RPRD2: variants seen among roughly 807,000 people sequenced by gnomAD.
RPRD2 encodes the protein regulation of nuclear pre-mRNA domain-containing protein 2.
RPRD2 carries 12 observed loss-of-function variants against 104.4 expected under a neutral mutation model. The observed-to-expected ratio is 0.11, with a 90% CI of 0.07 to 0.19. RPRD2 has a LOEUF of 0.19. RPRD2 is among the 10% of genes least tolerant of loss of function. The pLI is 1.00. For missense variants in RPRD2, 1,543 were observed against 1,790.1 expected (o/e 0.86, Z 2.49); for synonymous variants, 714 against 684.9 (o/e 1.04, Z -0.66).
At chr1:150,454,382 T>C (rs1458445984) in intron 7 of RPRD2, among the ~76,000 whole-genome samples, 1 of 152,130 alleles carries the variant, frequency 6.6e-6, no homozygotes, top group Non-Finnish European at 1.5e-5. Flanking sequence ...CCTCTGATAG[T>C]ATTTGCCACT....
At chr1:150,436,749 A>G (rs991201300) in intron 2 of RPRD2, among the ~76,000 whole-genome samples, 1 of 152,118 alleles carries the variant, frequency 6.6e-6, no homozygotes, top group African/African-American at 2.4e-5. Flanking sequence ...TCTACTAAAA[A>G]TAAAAATTAG....
chr1:150,435,844 T>A (rs1665951956), intron 2 of RPRD2, among the ~76,000 whole-genome samples: 1 of 152,212 alleles, frequency 6.6e-6, no homozygotes, highest in Non-Finnish European at 1.5e-5. Flanking sequence ...CAGCCTTCTG[T>A]TGGAAGATGC....
rs758603534 is a variant in RPRD2, at chr1:150,472,957, G to A, written c.4009G>A (p.Ala1337Thr). Residue 1337 changes from alanine (A) to threonine (T), a missense_variant, in exon 11 of 11, where the codon GCT becomes ACT. Ala to Thr is a moderately conservative substitution (Grantham distance 58). Transcript: ENST00000369068. ...TAGTTCCCTCCTTCAAGGGACCCTG[G>A]CTGAGCATTTTGGGGTACTCCCAGG... Reference protein sequence around the residue: ...DHSSLLQGTLAEHFGVLPGPR... With the variant: ...DHSSLLQGTLTEHFGVLPGPR... The A allele has an allele frequency of 1.2e-5, 19 of 1,613,762 alleles. No individual in the cohort carries two copies. Among genetic ancestry groups the A allele is most frequent in the Non-Finnish European group, 1.6e-5 (19 of 1,179,830 alleles).
At chr1:150,413,454 T>A (rs1230410044) in intron 1 of RPRD2, among the ~76,000 whole-genome samples, 2 of 151,744 alleles carry the variant, frequency 1.3e-5, no homozygotes, top group African/African-American at 4.8e-5. Context: ...TACAAAAAAA[T>A]TAGCTGGGTG....
rs587768526 is a variant in RPRD2, at chr1:150,370,107, G to A, written c.205+5188G>A. 5.9e-5 allele frequency among the ~76,000 whole-genome samples: 9 copies of A among 151,970 alleles called. No individual in the cohort carries two copies. The South Asian group carries it at 6.2e-4, about 11-fold the overall frequency. ...AAATTTTTATGTTTTTTGTAGAGAC[G>A]AGGTATTGCCATGTTGCCCAGGCTG... On this transcript the variant is annotated intron_variant, in intron 1 of 10. Transcript: ENST00000369068.
intron 1 of RPRD2, among the ~76,000 whole-genome samples, chr1:150,397,633 T>G (rs782064360): frequency 5.9e-5 from 9 of 152,328 alleles, no homozygotes; most frequent in Admixed American, 3.3e-4. Context: ...TAGCAAAATT[T>G]TGTTTCTTTT....
intron 2 of RPRD2, among the ~76,000 whole-genome samples, chr1:150,420,380 C>A (rs767632007): frequency 6.6e-6 from 1 of 152,102 alleles, no homozygotes; most frequent in Non-Finnish European, 1.5e-5. Flanking sequence ...CCTTAAGCCC[C>A]CAAGAATGTT....
At position 150,443,360 on chromosome 1, in the gene RPRD2, A is replaced by G. The variant is rs1212391020; in HGVS notation, c.567+77A>G. 5.8e-6 allele frequency: 6 copies of G among 1,034,792 alleles called. No homozygotes were observed. The Admixed American group carries it at 1.3e-4, about 23-fold the overall frequency. 64.1% of individuals were successfully genotyped at this position (1,034,792 alleles called of 1,614,324 possible). On this transcript the variant is annotated intron_variant, in intron 5 of 10. Coordinates refer to ENST00000369068, the MANE Select transcript of RPRD2 (RefSeq NM_015203.5). ...ATTATAGTTTCCTGTATAGTCCAAT[A>G]AGATTTATCTGTATTCAATTACACA...
At chr1:150,410,154 A>G (rs868910959) in intron 1 of RPRD2, among the ~76,000 whole-genome samples, 14 of 152,148 alleles carry the variant, frequency 9.2e-5, no homozygotes, top group Non-Finnish European at 2.1e-4. Context: ...TGTGGCTACA[A>G]TGGAATCAGT....
At chr1:150,436,556 GC>G (rs1666006193) in intron 2 of RPRD2, among the ~76,000 whole-genome samples, 1 of 151,506 alleles carries the variant, frequency 6.6e-6, no homozygotes, top group East Asian at 1.9e-4. Context: ...AGCCAAGATC[GC>G]CACTGCACTC....
chr1:150,411,266 G>A (rs1277681935), intron 1 of RPRD2, among the ~76,000 whole-genome samples: 1 of 151,152 alleles, frequency 6.6e-6, no homozygotes, highest in Non-Finnish European at 1.5e-5. Flanking sequence ...TTTTAGACCA[G>A]CCTGACCAAC....
chr1:150,387,844 C>A (rs1661706435), intron 1 of RPRD2, among the ~76,000 whole-genome samples: 1 of 150,694 alleles, frequency 6.6e-6, no homozygotes, highest in South Asian at 2.1e-4. Context: ...CCTGCCTCGG[C>A]CTCCCAAAGT....
chr1:150,460,393 G>T (rs1032766523), intron 9 of RPRD2, 76 bp downstream of exon 9: 130 of 1,351,368 alleles, frequency 9.6e-5, no homozygotes, highest in Non-Finnish European at 1.2e-4. Flanking sequence ...GTTTTTGGGG[G>T]GGTTGTTGTT....
intron 3 of RPRD2, 85 bp from the exon 4 acceptor site, chr1:150,441,796 T>C (rs912805996): frequency 1.2e-6 from 1 of 859,428 alleles, no homozygotes; most frequent in Admixed American, 2.7e-5. Flanking sequence ...GATTGCCTTT[T>C]TTCATGCTGC....
intron 1 of RPRD2, among the ~76,000 whole-genome samples, chr1:150,397,589 C>A (rs781899675): frequency 3.3e-5 from 5 of 152,116 alleles, no homozygotes; most frequent in African/African-American, 7.2e-5. Flanking sequence ...TGACTTCTTT[C>A]ATTTAGCATG....
intron 1 of RPRD2, among the ~76,000 whole-genome samples, chr1:150,397,222 C>T (rs1553884380): frequency 6.6e-6 from 1 of 152,172 alleles, no homozygotes; most frequent in Non-Finnish European, 1.5e-5. Context: ...GATCCACCTG[C>T]CTCGGCCTCT....
intron 1 of RPRD2, among the ~76,000 whole-genome samples, chr1:150,409,962 G>T (rs1277545200): frequency 6.6e-6 from 1 of 152,068 alleles, no homozygotes; most frequent in Non-Finnish European, 1.5e-5. Flanking sequence ...GCAGTTTTAA[G>T]TAAGGTAGTC....
rs116399394 is a variant in RPRD2 at position 150,404,017 on chromosome 1, C to T, written c.206-13579C>T. On this transcript the variant is annotated intron_variant, in intron 1 of 10. Coordinates refer to ENST00000369068, the MANE Select transcript of RPRD2 (RefSeq NM_015203.5). The stretch of plus-strand genomic sequence containing the variant: ...ATAGACAAATAAATGTTCAACTTTA[C>T]GTTAATAATTTGAAAGCCTAGAGGA... Among the ~76,000 whole-genome samples the T allele has an allele frequency of 8.5e-3, 1,300 of 152,088 alleles. 13 individuals carry two copies. The highest frequency in any genetic ancestry group is 0.029 in the African/African-American group (1,212 of 41,468).
intron 1 of RPRD2, among the ~76,000 whole-genome samples, chr1:150,402,695 G>A (rs1663137138): frequency 6.6e-6 from 1 of 151,794 alleles, no homozygotes; most frequent in African/African-American, 2.4e-5. Context: ...AGCCGGGCGC[G>A]GTGGCTCACG....
Sources: gnomAD v4.1 joint callset for allele counts (sites outside exome capture counted in the v4.1 genomes callset) on GRCh38, gnomAD v4.1.1 for gene constraint, MANE v1.5 for transcripts, NCBI Gene and HGNC (gene_info 2026-07-23, HGNC 2026-07-21) for gene names.